Variants in ADAMTS20 observed in about 807,000 individuals in gnomAD.
The protein encoded by ADAMTS20 is A disintegrin and metalloproteinase with thrombospondin motifs 20.
ADAMTS20 carries 225 observed loss-of-function variants against 260.1 expected under a neutral mutation model. The observed-to-expected ratio is 0.87, with a 90% CI of 0.78 to 0.97. The LOEUF is 0.97. Among genes scored for constraint, ADAMTS20 ranks in the 50% least tolerant of loss-of-function variants. The probability of loss-of-function intolerance (pLI) is 0.00; values close to 1 mark genes in which losing one functional copy is unlikely to be tolerated. For synonymous variants in ADAMTS20, 802 were observed against 769.5 expected (o/e 1.04, Z -0.70); for missense variants, 2,400 against 2,337.7 (o/e 1.03, Z -0.55).
At chr12:43,363,659 G>T (rs960866399) in intron 37 of ADAMTS20, among the ~76,000 whole-genome samples, 3 of 152,180 alleles carry the variant, frequency 2.0e-5, no homozygotes, top group African/African-American at 7.2e-5. Flanking sequence ...AGCTTATTTG[G>T]AATAAAACCT....
chr12:43,501,392 G>T (rs1291291732), intron 4 of ADAMTS20, among the ~76,000 whole-genome samples: 2 of 151,758 alleles, frequency 1.3e-5, no homozygotes, highest in Non-Finnish European at 2.9e-5. Context: ...CATGAAAAGG[G>T]CTACCCTTAG....
chr12:43,512,693 A>G (rs1434382901), intron 3 of ADAMTS20, among the ~76,000 whole-genome samples: 1 of 152,172 alleles, frequency 6.6e-6, no homozygotes, highest in Non-Finnish European at 1.5e-5. Context: ...GAAACAAATC[A>G]TTACACCATC....
rs183076969 is a variant in ADAMTS20 at position 43,387,889 on chromosome 12, T to C, written c.4453-3912A>G. On this transcript the variant is annotated intron_variant, in intron 29 of 38. Coordinates refer to ENST00000389420, the MANE Select transcript of ADAMTS20 (RefSeq NM_025003.5). ...GCTGATGCCCCTCCCCCCACCAAGC[T>C]CCAGCATCCCAGGTTGACATCAGAC... Among the ~76,000 whole-genome samples the C allele has an allele frequency of 4.6e-5, 7 of 152,156 alleles. No individual in the cohort carries two copies. The East Asian group carries it at 1.4e-3, about 30-fold the overall frequency.
intron 3 of ADAMTS20, among the ~76,000 whole-genome samples, chr12:43,505,811 T>C (rs1942832726): frequency 1.3e-5 from 2 of 152,100 alleles, no homozygotes; most frequent in African/African-American, 4.8e-5. Flanking sequence ...CCAAAAACAA[T>C]GAAAGCAGGG....
At chr12:43,366,400 A>G (rs1376933832) in intron 37 of ADAMTS20, among the ~76,000 whole-genome samples, 1 of 151,944 alleles carries the variant, frequency 6.6e-6, no homozygotes. Context: ...GCAGAGTTTC[A>G]GCAGATAGAA....
At chr12:43,548,963 A>T (rs1943476520) in intron 2 of ADAMTS20, among the ~76,000 whole-genome samples, 1 of 152,008 alleles carries the variant, frequency 6.6e-6, no homozygotes, top group African/African-American at 2.4e-5. Flanking sequence ...TCAAAGTATG[A>T]CTCCTATAGG....
At chr12:43,448,420 G>A (rs1592074335) in intron 14 of ADAMTS20, among the ~76,000 whole-genome samples, 1 of 152,080 alleles carries the variant, frequency 6.6e-6, no homozygotes, top group African/African-American at 2.4e-5. Context: ...AATGGTGCTG[G>A]GATAAATGGC....
intron 27 of ADAMTS20, 38 bp from the exon 28 acceptor site, chr12:43,425,728 T>G: frequency 7.0e-7 from 1 of 1,421,014 alleles, no homozygotes. Flanking sequence ...ACTGTGGTTT[T>G]AAAGAGAATA....
intron 27 of ADAMTS20, 89 bp from the exon 28 acceptor site, chr12:43,425,779 A>G: frequency 1.1e-6 from 1 of 875,366 alleles, no homozygotes; most frequent in Non-Finnish European, 1.6e-6. Flanking sequence ...ATTAGTAATT[A>G]TGTTTATTCT....
intron 36 of ADAMTS20, among the ~76,000 whole-genome samples, chr12:43,370,075 T>C (rs1284438533): frequency 6.6e-6 from 1 of 152,204 alleles, no homozygotes; most frequent in Non-Finnish European, 1.5e-5. Flanking sequence ...ATCTAGCCAG[T>C]GGCTGTCACC....
chr12:43,419,739 AACACAC>A lies in ADAMTS20; in HGVS notation c.4284+5769_4284+5774del, dbSNP rs147586045. On this transcript the variant is annotated intron_variant, in intron 28 of 38. Transcript: ENST00000389420. ...CTCAACATTATAACACACACACACA[AACACAC>A]ACACACACACACAGTCTCCTCTTTT... 9.1e-4 allele frequency among the ~76,000 whole-genome samples: 136 copies of A among 148,900 alleles called. 1 individual carries two copies. Among genetic ancestry groups the A allele is most frequent in the Middle Eastern group, 7.0e-3 (2 of 286 alleles).
chr12:43,550,099 T>G (rs1305394209), intron 2 of ADAMTS20, among the ~76,000 whole-genome samples: 1 of 152,216 alleles, frequency 6.6e-6, no homozygotes, highest in East Asian at 1.9e-4. Context: ...ATATATGTTT[T>G]AAAACAACTG....
intron 19 of ADAMTS20, among the ~76,000 whole-genome samples, chr12:43,433,200 C>T (rs1188908232): frequency 1.3e-5 from 2 of 152,170 alleles, no homozygotes; most frequent in African/African-American, 4.8e-5. Flanking sequence ...AATTTGACTA[C>T]ATCAATAAAA....
intron 3 of ADAMTS20, among the ~76,000 whole-genome samples, chr12:43,513,624 C>T (rs897870655): frequency 1.1e-4 from 17 of 152,004 alleles, no homozygotes; most frequent in South Asian, 2.1e-4. Flanking sequence ...ATGTTTATTG[C>T]GGCACTATTC....
At chr12:43,474,620 A>C (rs1308030916) in intron 7 of ADAMTS20, among the ~76,000 whole-genome samples, 1 of 108,904 alleles carries the variant, frequency 9.2e-6, no homozygotes, top group Admixed American at 1.1e-4. Flanking sequence ...ATCCAGCAGC[A>C]CATCAAAAAG....
chr12:43,354,872 A>C (rs1477391658), intron 38 of ADAMTS20, among the ~76,000 whole-genome samples: 2 of 152,216 alleles, frequency 1.3e-5, no homozygotes, highest in Non-Finnish European at 2.9e-5. Context: ...CATTAGAATT[A>C]GAAAAGAACT....
chr12:43,360,774 T>G (rs893416509), intron 37 of ADAMTS20, among the ~76,000 whole-genome samples: 6 of 152,118 alleles, frequency 3.9e-5, no homozygotes, highest in Non-Finnish European at 7.3e-5. Flanking sequence ...AAGGACATGA[T>G]CTAAACAATG....
At chr12:43,539,116 G>GT (rs926504754) in intron 2 of ADAMTS20, among the ~76,000 whole-genome samples, 3 of 151,634 alleles carry the variant, frequency 2.0e-5, no homozygotes, top group Non-Finnish European at 4.4e-5. Context: ...CCGCGCCCAG[G>GT]TAATTTTTGT....
rs1167548383 is a variant in ADAMTS20, at chr12:43,454,054, TATA to T, written c.1615-5_1615-3del. ...TACACATAGCCCATGACGGCAATGC[TATA>T]AAAATAATAAGCACAAAAAGAAATG... On this transcript the variant is annotated splice_region_variant and splice_polypyrimidine_tract_variant and intron_variant, in intron 11 of 38. Transcript: ENST00000389420. 6.2e-7 allele frequency: 1 copy of T among 1,608,126 alleles called. No homozygotes were observed. The highest frequency in any genetic ancestry group is 1.3e-5 in the African/African-American group (1 of 74,446).
Sources: gnomAD v4.1 joint callset for allele counts (sites outside exome capture counted in the v4.1 genomes callset) on GRCh38, gnomAD v4.1.1 for gene constraint, MANE v1.5 for transcripts, NCBI Gene and HGNC (gene_info 2026-07-23, HGNC 2026-07-21) for gene names.